DPP6: variants seen among roughly 807,000 people sequenced by gnomAD.
DPP6 encodes the protein A-type potassium channel modulatory protein DPP6.
In DPP6, 69 loss-of-function variants were observed where a neutral mutation model predicts 122.6. The ratio of observed to expected loss-of-function variants is 0.56; its 90% confidence interval spans 0.46 to 0.69. The LOEUF (loss-of-function observed/expected upper bound fraction) is 0.69. DPP6 is among the 30% of genes least tolerant of loss of function. The pLI is 0.00. For missense variants in DPP6, 928 were observed against 1,116.9 expected (o/e 0.83, Z 2.41); for synonymous variants, 418 against 433.1 (o/e 0.97, Z 0.43).
intron 1 of DPP6, among the ~76,000 whole-genome samples, chr7:154,342,223 G>T (rs929791598): frequency 1.3e-5 from 2 of 152,158 alleles, no homozygotes; most frequent in African/African-American, 4.8e-5. Context: ...ACCAGGTTAC[G>T]GTCAGCAGCC....
chr7:154,275,454 ACC>A (rs1804065526), intron 1 of DPP6, among the ~76,000 whole-genome samples: 1 of 152,132 alleles, frequency 6.6e-6, no homozygotes, highest in South Asian at 2.1e-4. Context: ...GCCTATGGAC[ACC>A]AGGTCTCGGG....
intron 2 of DPP6, among the ~76,000 whole-genome samples, chr7:154,465,529 AT>A (rs1426924647): frequency 6.6e-6 from 1 of 152,214 alleles, no homozygotes; most frequent in Admixed American, 6.5e-5. Flanking sequence ...AAACAACTCT[AT>A]CAAAAAGTGG....
intron 1 of DPP6, among the ~76,000 whole-genome samples, chr7:153,915,854 G>A (rs1041131213): frequency 6.6e-6 from 1 of 152,198 alleles, no homozygotes; most frequent in African/African-American, 2.4e-5. Context: ...ATGTCTTAAA[G>A]GATTAATACT....
At chr7:154,557,454 A>T (rs778143934) in intron 4 of DPP6, among the ~76,000 whole-genome samples, 2 of 152,126 alleles carry the variant, frequency 1.3e-5, no homozygotes, top group African/African-American at 2.4e-5. Context: ...ACAGCTGAGG[A>T]TGTAATCATT....
chr7:154,638,111 G>T lies in DPP6; in HGVS notation c.680+238G>T, dbSNP rs11971701. ...GAAGCCCCCTTCCTAGAGCAACTCT[G>T]CCCTCTTCCTGTGCTGGTTCCTGCA... On this transcript the variant is annotated intron_variant, in intron 6 of 25. Coordinates refer to ENST00000377770, the MANE Select transcript of DPP6 (RefSeq NM_130797.4). Among the ~76,000 whole-genome samples, 90,581 of 152,034 alleles carry T rather than the reference G, an allele frequency of 0.6. 27,528 individuals are homozygous for T. The highest frequency in any genetic ancestry group is 0.68 in the Middle Eastern group (201 of 294).
chr7:153,795,150 C>A, the DPP6 span, among the ~76,000 whole-genome samples: 1 of 152,334 alleles, frequency 6.6e-6, no homozygotes, highest in Middle Eastern at 3.4e-3. Context: ...GGTGCAGTGG[C>A]TTACGCCTGT....
chr7:154,024,182 G>A (rs1426255276), intron 1 of DPP6, among the ~76,000 whole-genome samples: 1 of 152,150 alleles, frequency 6.6e-6, no homozygotes, highest in Non-Finnish European at 1.5e-5. Context: ...TGAATTAAAC[G>A]ACTAAACCTG....
chr7:154,343,181 A>G (rs572623352), intron 1 of DPP6, among the ~76,000 whole-genome samples: 1 of 152,332 alleles, frequency 6.6e-6, no homozygotes, highest in African/African-American at 2.4e-5. Flanking sequence ...GCCTTGTGTC[A>G]TTACCTCATT....
At chr7:154,412,549 G>C (rs1274478950) in intron 1 of DPP6, among the ~76,000 whole-genome samples, 1 of 152,124 alleles carries the variant, frequency 6.6e-6, no homozygotes, top group Non-Finnish European at 1.5e-5. Context: ...ATGGCAGTGG[G>C]GGCTAGTGCT....
intron 1 of DPP6, among the ~76,000 whole-genome samples, chr7:154,182,461 T>C (rs1016113813): frequency 1.3e-4 from 20 of 152,258 alleles, no homozygotes; most frequent in African/African-American, 4.6e-4. Context: ...TTCAAGCTGC[T>C]CATGCCAAAG....
chr7:154,361,816 T>C (rs1045506933), intron 1 of DPP6, among the ~76,000 whole-genome samples: 1 of 152,238 alleles, frequency 6.6e-6, no homozygotes, highest in African/African-American at 2.4e-5. Flanking sequence ...GGCATTATCA[T>C]CCCTGCCTTA....
intron 6 of DPP6, among the ~76,000 whole-genome samples, chr7:154,660,578 C>G (rs1341673944): frequency 2.3e-5 from 3 of 129,990 alleles, no homozygotes; most frequent in Non-Finnish European, 3.2e-5. Flanking sequence ...GCGTATCGGC[C>G]GTAGTGTTCA....
intron 5 of DPP6, among the ~76,000 whole-genome samples, chr7:154,593,178 C>T (rs1007699978): frequency 5.9e-5 from 9 of 152,314 alleles, no homozygotes; most frequent in South Asian, 4.1e-4. Context: ...GCCCTACCAA[C>T]GACCGTATTT....
chr7:154,410,621 A>T (rs10262856), intron 1 of DPP6, among the ~76,000 whole-genome samples: 2,405 of 152,316 alleles, frequency 0.016, 71 homozygotes, highest in African/African-American at 0.055. Context: ...GCTTGTTATA[A>T]TTAAATAATC....
At chr7:154,281,640 C>T (rs1406943412) in intron 1 of DPP6, among the ~76,000 whole-genome samples, 1 of 152,138 alleles carries the variant, frequency 6.6e-6, no homozygotes, top group Non-Finnish European at 1.5e-5. Context: ...ACTAGGAGAT[C>T]TTAGGATATT....
intron 6 of DPP6, among the ~76,000 whole-genome samples, chr7:154,663,345 T>C (rs1422801848): frequency 4.2e-5 from 2 of 47,488 alleles, no homozygotes; most frequent in Admixed American, 3.1e-4. Flanking sequence ...CATGGCGTAT[T>C]GGCCATAGTG....
intron 1 of DPP6, among the ~76,000 whole-genome samples, chr7:154,004,511 G>A (rs959903226): frequency 7.2e-5 from 11 of 151,878 alleles, no homozygotes; most frequent in African/African-American, 2.4e-4. Context: ...AAGGGATTCA[G>A]TTTCCAAGGT....
chr7:153,955,296 C>T (rs1369885763), intron 1 of DPP6, among the ~76,000 whole-genome samples: 3 of 152,172 alleles, frequency 2.0e-5, no homozygotes, highest in Middle Eastern at 3.4e-3. Context: ...ATAAAATCTT[C>T]GTGGATAAAG....
intron 1 of DPP6, among the ~76,000 whole-genome samples, chr7:153,991,114 G>A (rs1450297889): frequency 2.6e-5 from 4 of 152,178 alleles, no homozygotes; most frequent in Non-Finnish European, 5.9e-5. Context: ...TGCCGTAAAG[G>A]CCAGGAGACT....
Sources: gnomAD v4.1 joint callset for allele counts (sites outside exome capture counted in the v4.1 genomes callset) on GRCh38, gnomAD v4.1.1 for gene constraint, MANE v1.5 for transcripts, NCBI Gene and HGNC (gene_info 2026-07-23, HGNC 2026-07-21) for gene names.